CDKAL1: variants seen among roughly 807,000 people sequenced by gnomAD.
CDKAL1 encodes CDKAL1 threonylcarbamoyladenosine tRNA methylthiotransferase, also known as threonylcarbamoyladenosine tRNA methylthiotransferase.
A neutral mutation model predicts 68.2 loss-of-function variants in CDKAL1; 32 were observed. The observed-to-expected ratio is 0.47, with a 90% confidence interval of 0.35 to 0.63. The LOEUF is 0.63. CDKAL1 is among the 30% of genes least tolerant of loss of function. The probability of loss-of-function intolerance (pLI) is 0.00; values close to 1 mark genes in which losing one functional copy is unlikely to be tolerated. For missense variants in CDKAL1, 606 were observed against 696.7 expected, an observed-to-expected ratio of 0.87 and a Z score of 1.47; for synonymous variants, 234 against 244.3, an observed-to-expected ratio of 0.96 and a Z score of 0.39.
chr6:21,140,318 T>C (rs1010545665), intron 13 of CDKAL1, among the ~76,000 whole-genome samples: 3 of 152,208 alleles, frequency 2.0e-5, no homozygotes, highest in Non-Finnish European at 4.4e-5. Context: ...CGACTGGAAT[T>C]GTATTTACGG....
chr6:20,868,712 A>G (rs550696238), intron 9 of CDKAL1, among the ~76,000 whole-genome samples: 6 of 152,356 alleles, frequency 3.9e-5, no homozygotes, highest in Admixed American at 2.6e-4. Flanking sequence ...TAAAATGGGC[A>G]TGATGTCATC....
At chr6:20,600,374 A>G (rs570104220) in intron 4 of CDKAL1, among the ~76,000 whole-genome samples, 1 of 152,268 alleles carries the variant, frequency 6.6e-6, no homozygotes, top group African/African-American at 2.4e-5. Context: ...TCAGATTTGC[A>G]AAGGTTGAGG....
At chr6:20,827,422 T>C (rs1777544124) in intron 8 of CDKAL1, among the ~76,000 whole-genome samples, 1 of 152,180 alleles carries the variant, frequency 6.6e-6, no homozygotes, top group Non-Finnish European at 1.5e-5. Flanking sequence ...TCTATTTGTG[T>C]TACAATTTTT....
intron 5 of CDKAL1, among the ~76,000 whole-genome samples, chr6:20,719,428 G>A (rs1460828470): frequency 6.6e-6 from 1 of 152,138 alleles, no homozygotes; most frequent in African/African-American, 2.4e-5. Context: ...TAATACGAGT[G>A]TACATAGGAA....
chr6:21,153,767 G>C (rs1003072417), intron 13 of CDKAL1, among the ~76,000 whole-genome samples: 4 of 152,194 alleles, frequency 2.6e-5, no homozygotes, highest in Non-Finnish European at 5.9e-5. Context: ...CTAATATTCA[G>C]TTTTAAGTGG....
intron 4 of CDKAL1, among the ~76,000 whole-genome samples, chr6:20,589,298 T>TA (rs1765497395): frequency 6.6e-6 from 1 of 152,176 alleles, no homozygotes; most frequent in East Asian, 1.9e-4. Context: ...TCAGTGTTAG[T>TA]AAAAACACTA....
rs149653688 is a variant in CDKAL1, at chr6:21,206,585, T to C, written c.1548+5311T>C. Among the ~76,000 whole-genome samples, 133 of 152,340 alleles carry C rather than the reference T, an allele frequency of 8.7e-4. 1 individual carries two copies. The highest frequency in any genetic ancestry group is 3.1e-3 in the African/African-American group (128 of 41,592). ...AATTTTAAACTTATGAATAGTTTGA[T>C]TGCAAAGTTTTTTTTCATTGAATTC... On this transcript the variant is annotated intron_variant, in intron 15 of 15. Coordinates refer to ENST00000274695, the MANE Select transcript of CDKAL1 (RefSeq NM_017774.3).
At chr6:20,577,875 G>A (rs946003234) in intron 4 of CDKAL1, among the ~76,000 whole-genome samples, 3 of 152,144 alleles carry the variant, frequency 2.0e-5, no homozygotes, top group African/African-American at 7.2e-5. Flanking sequence ...CATGGTATAA[G>A]CAGACTACAG....
intron 4 of CDKAL1, among the ~76,000 whole-genome samples, chr6:20,555,560 C>G (rs1398292113): frequency 1.3e-5 from 2 of 148,952 alleles, no homozygotes; most frequent in East Asian, 3.9e-4. Flanking sequence ...ACCTAGTGAT[C>G]TACCCATCTT....
At chr6:21,186,576 A>C (rs879846408) in intron 13 of CDKAL1, among the ~76,000 whole-genome samples, 1 of 152,178 alleles carries the variant, frequency 6.6e-6, no homozygotes, top group African/African-American at 2.4e-5. Context: ...TGATCATGCC[A>C]TAAGGTTTTA....
In CDKAL1 at chr6:20,965,998, T is replaced by G. The variant is rs1332812246; in HGVS notation, c.909+10413T>G. Among the ~76,000 whole-genome samples the G allele has an allele frequency of 2.0e-5, 3 of 152,374 alleles. No individual in the cohort carries two copies. In the East Asian group the frequency reaches 5.8e-4, roughly 29 times the overall value. On this transcript the variant is annotated intron_variant, in intron 10 of 15. Coordinates refer to ENST00000274695, the MANE Select transcript of CDKAL1 (RefSeq NM_017774.3). ...TTTGCTTTAATAGCCTATGAAAGGC[T>G]ACCTTAGGCACTTGCTAATTCAGCA...
intron 9 of CDKAL1, among the ~76,000 whole-genome samples, chr6:20,929,379 G>C (rs188769062): frequency 6.6e-6 from 1 of 152,302 alleles, no homozygotes; most frequent in Non-Finnish European, 1.5e-5. Context: ...CACAACGTAG[G>C]AGTAAATGGA....
At chr6:20,659,797 G>A (rs1467052463) in intron 5 of CDKAL1, among the ~76,000 whole-genome samples, 2 of 151,986 alleles carry the variant, frequency 1.3e-5, no homozygotes, top group African/African-American at 2.4e-5. Flanking sequence ...ATTTCCATTA[G>A]TATTGCCCAT....
At chr6:20,900,479 C>A (rs763529665) in intron 9 of CDKAL1, among the ~76,000 whole-genome samples, 3 of 152,214 alleles carry the variant, frequency 2.0e-5, no homozygotes, top group Non-Finnish European at 2.9e-5. Context: ...ATGCAAATAA[C>A]AGCACCAGCA....
intron 9 of CDKAL1, among the ~76,000 whole-genome samples, chr6:20,902,086 G>A (rs1207837219): frequency 8.7e-5 from 7 of 80,768 alleles, no homozygotes; most frequent in Non-Finnish European, 1.8e-4. Context: ...CTGTCCCCCT[G>A]ACTTCTAACA....
intron 9 of CDKAL1, among the ~76,000 whole-genome samples, chr6:20,894,543 T>C (rs1398347549): frequency 1.3e-5 from 2 of 152,144 alleles, no homozygotes; most frequent in African/African-American, 4.8e-5. Context: ...GTGATGCTTT[T>C]CTTTATAAAG....
intron 9 of CDKAL1, among the ~76,000 whole-genome samples, chr6:20,869,902 A>G (rs186897833): frequency 1.3e-5 from 2 of 152,310 alleles, no homozygotes; most frequent in Admixed American, 6.5e-5. Context: ...GTGTATCAAA[A>G]TAAGACGATC....
intron 5 of CDKAL1, among the ~76,000 whole-genome samples, chr6:20,701,413 C>T (rs1022926696): frequency 6.6e-6 from 1 of 152,128 alleles, no homozygotes; most frequent in Non-Finnish European, 1.5e-5. Context: ...TAGCTCTCTG[C>T]TTTTAGACTC....
chr6:20,879,151 A>G (rs1468917054), intron 9 of CDKAL1, among the ~76,000 whole-genome samples: 1 of 152,212 alleles, frequency 6.6e-6, no homozygotes, highest in Admixed American at 6.5e-5. Flanking sequence ...CCAAAAGGAT[A>G]TAGAAATACC....
Sources: allele counts gnomAD v4.1 joint callset (sites outside exome capture counted in the v4.1 genomes callset), GRCh38; gene constraint gnomAD v4.1.1; transcripts MANE v1.5; gene names NCBI Gene and HGNC (gene_info 2026-07-23, HGNC 2026-07-21).